The following VPS13C variants were observed in gnomAD, a reference collection of about 807,000 sequenced individuals.
The protein encoded by VPS13C is intermembrane lipid transfer protein VPS13C.
A neutral mutation model predicts 456.8 loss-of-function variants in VPS13C; 358 were observed. That is an observed-to-expected ratio of 0.78 (90% CI 0.72 to 0.86). The LOEUF (loss-of-function observed/expected upper bound fraction) is 0.86. VPS13C is among the 40% of genes least tolerant of loss of function. VPS13C has a pLI of 0.00. For missense variants in VPS13C, 4,818 were observed against 4,385.4 expected (o/e 1.10, Z -2.79); for synonymous variants, 1,578 against 1,486.7 (o/e 1.06, Z -1.41).
chr15:62,053,025 G>T (rs939021693), intron 1 of VPS13C, among the ~76,000 whole-genome samples: 10 of 152,142 alleles, frequency 6.6e-5, no homozygotes, highest in Admixed American at 3.3e-4. Flanking sequence ...TTCTAGAAAA[G>T]GAGTTAATTT....
At position 62,059,292 on chromosome 15, in the gene VPS13C, G is replaced by T. The variant is rs887287095; in HGVS notation, c.100+983C>A. 7.9e-5 allele frequency among the ~76,000 whole-genome samples: 12 copies of T among 152,274 alleles called. No homozygotes were observed. In the South Asian group the frequency reaches 8.3e-4, roughly 11 times the overall value. ...GCTACAGTGGCTAGTGGTTACCCTA[G>T]TGGACAGGGGAAGTCTATAGCTATT... On this transcript the variant is annotated intron_variant, in intron 1 of 84. Transcript: ENST00000644861.
At chr15:62,024,471 T>C (rs562714209) in intron 6 of VPS13C, among the ~76,000 whole-genome samples, 61 of 152,176 alleles carry the variant, frequency 4.0e-4, no homozygotes, top group African/African-American at 1.4e-3. Flanking sequence ...CCAATACCTG[T>C]CTTACTCAAC....
intron 1 of VPS13C, among the ~76,000 whole-genome samples, chr15:62,052,886 A>T (rs2048670594): frequency 6.6e-6 from 1 of 152,102 alleles, no homozygotes; most frequent in Non-Finnish European, 1.5e-5. Flanking sequence ...TGACAAAGGA[A>T]GGTAGAAAGC....
At chr15:61,900,544 A>G (rs1292074911) in intron 66 of VPS13C, among the ~76,000 whole-genome samples, 1 of 152,064 alleles carries the variant, frequency 6.6e-6, no homozygotes, top group East Asian at 1.9e-4. Flanking sequence ...TAGGAATCCA[A>G]CTTACAAGGG....
At chr15:62,057,581 G>C (rs1404568523) in intron 1 of VPS13C, among the ~76,000 whole-genome samples, 1 of 152,224 alleles carries the variant, frequency 6.6e-6, no homozygotes, top group African/African-American at 2.4e-5. Flanking sequence ...AGCTGATAAA[G>C]CTAGGAGAAT....
intron 69 of VPS13C, 50 bp from the exon 70 acceptor site, chr15:61,881,878 T>C: frequency 6.7e-7 from 1 of 1,503,296 alleles, no homozygotes; most frequent in South Asian, 1.3e-5. Context: ...ATTTAAACTT[T>C]TAGTTTCAAA....
intron 1 of VPS13C, among the ~76,000 whole-genome samples, chr15:62,059,886 C>G (rs2140833117): frequency 6.6e-6 from 1 of 152,312 alleles, no homozygotes; most frequent in Middle Eastern, 3.4e-3. Context: ...GCGTATATGA[C>G]CAGACAACCA....
Position 61,984,023 on chromosome 15 carries a change from A to G in VPS13C, c.1722-11T>C, listed in dbSNP as rs762263765. On this transcript the variant is annotated splice_polypyrimidine_tract_variant and intron_variant, in intron 19 of 84. Coordinates refer to ENST00000644861, the MANE Select transcript of VPS13C (RefSeq NM_020821.3). ...AATTTCGCTTCTACCCTATAATCCA[A>G]TGAAGAACAAGGAAAGATGCAGACA... The G allele has an allele frequency of 8.1e-6, 13 of 1,603,682 alleles. No homozygotes were observed. Among genetic ancestry groups the G allele is most frequent in the Non-Finnish European group, 1.1e-5 (13 of 1,174,918 alleles).
In VPS13C at chr15:61,966,445, T is replaced by C. The variant is rs148276707; in HGVS notation, c.2992-303A>G. Among the ~76,000 whole-genome samples, 215 of 152,004 alleles carry C rather than the reference T, an allele frequency of 1.4e-3. 1 individual carries two copies. The highest frequency in any genetic ancestry group is 5.0e-3 in the African/African-American group (207 of 41,538). ...GTCACGTAGCCCATCTATCCCCTAA[T>C]GCTTAAATCCCTCCATAAAGTCGTC... is the stretch of plus-strand genomic sequence containing the variant. On this transcript the variant is annotated intron_variant, in intron 29 of 84. Coordinates refer to ENST00000644861, the MANE Select transcript of VPS13C (RefSeq NM_020821.3).
At position 61,962,448 on chromosome 15, in the gene VPS13C, T is replaced by G. The variant is rs756868320; in HGVS notation, c.3526A>C (p.Lys1176Gln). 7.4e-6 allele frequency: 12 copies of G among 1,611,904 alleles called. No individual in the cohort carries two copies. In the African/African-American group the frequency reaches 1.6e-4, roughly 22 times the overall value. ...TTCAGAGACAGCACACCATCCACTT[T>G]GGACATGTCAGTATACAAATCCCCC... is the stretch of plus-strand genomic sequence containing the variant. ...TEGDLYTDMS[K>Q]VDGVLSLNVG... is the part of the protein sequence containing the mutation. Residue 1176 changes from lysine to glutamine, a missense_variant, in exon 34 of 85, where the codon AAA (lysine) becomes CAA (glutamine). Around this residue, in one of 3 missense-constraint regions of VPS13C, gnomAD observed 4,552 missense variants for 4,130.6 expected, o/e 1.10. Coordinates refer to ENST00000644861, the MANE Select transcript of VPS13C (RefSeq NM_020821.3).
rs1479964328 is a variant in VPS13C, at chr15:61,881,614, T to C, written c.9725A>G (p.Asp3242Gly). 1.2e-6 allele frequency: 2 copies of C among 1,612,634 alleles called. No homozygotes were observed. Among genetic ancestry groups the C allele is most frequent in the African/African-American group, 2.7e-5 (2 of 74,834 alleles). Residue 3242 changes from aspartate to glycine, a missense_variant, in exon 71 of 85, where the codon GAT becomes GGT. By Grantham distance (94) the Asp-to-Gly change is moderately conservative. Around this residue, in one of 3 missense-constraint regions of VPS13C, gnomAD observed 4,552 missense variants for 4,130.6 expected, o/e 1.10. Transcript: ENST00000644861. Reference sequence around the variant, plus strand: ...ATTAAATCTTGTGATGACACTCACATCAATGAAAGGCTTGGGCTCTAAGAG... The same window carrying C: ...ATTAAATCTTGTGATGACACTCACACCAATGAAAGGCTTGGGCTCTAAGAG... Reference protein sequence around the residue: ...ALDSEPKPFIDVSVITRFNEY... With the variant: ...ALDSEPKPFIGVSVITRFNEY...
At position 61,975,743 on chromosome 15, in the gene VPS13C, T is replaced by A. The variant is rs529365630; in HGVS notation, c.2409-1326A>T. Among the ~76,000 whole-genome samples the A allele has an allele frequency of 2.6e-5, 4 of 152,172 alleles. No individual in the cohort carries two copies. In the South Asian group the frequency reaches 6.2e-4, roughly 24 times the overall value. ...TTCTACACAGTATCTTCCAGAAAAC[T>A]CAATGCATGAGGCCAACATCATTAT... On this transcript the variant is annotated intron_variant, in intron 24 of 84. Coordinates refer to ENST00000644861, the MANE Select transcript of VPS13C (RefSeq NM_020821.3).
At chr15:62,040,297 G>C (rs1329677358) in intron 3 of VPS13C, among the ~76,000 whole-genome samples, 2 of 152,076 alleles carry the variant, frequency 1.3e-5, no homozygotes, top group African/African-American at 4.8e-5. Flanking sequence ...GCACAACAGG[G>C]TGACTACATT....
At chr15:61,875,919 G>C (rs1895390076) in intron 75 of VPS13C, 74 bp from the exon 76 acceptor site, 1 of 986,992 alleles carries the variant, frequency 1.0e-6, no homozygotes. Flanking sequence ...TAGAAAAAAA[G>C]AGATTTACTG....
At chr15:62,059,639 A>G (rs1317326822) in intron 1 of VPS13C, among the ~76,000 whole-genome samples, 1 of 152,228 alleles carries the variant, frequency 6.6e-6, no homozygotes, top group Non-Finnish European at 1.5e-5. Flanking sequence ...ACAAAATTCA[A>G]AATCCTCTTC....
At chr15:61,860,740 C>T (rs957846699) in intron 82 of VPS13C, among the ~76,000 whole-genome samples, 9 of 151,980 alleles carry the variant, frequency 5.9e-5, no homozygotes, top group Non-Finnish European at 1.0e-4. Flanking sequence ...ACATAGTTTT[C>T]GTAAAATGTG....
At chr15:61,971,162 A>G (rs910167464) in intron 27 of VPS13C, among the ~76,000 whole-genome samples, 2 of 152,236 alleles carry the variant, frequency 1.3e-5, no homozygotes, top group Non-Finnish European at 2.9e-5. Context: ...CTTGTAGGCC[A>G]TGGAAAGGAC....
intron 66 of VPS13C, among the ~76,000 whole-genome samples, chr15:61,898,429 CA>C (rs1441829026): frequency 6.7e-6 from 1 of 149,846 alleles, no homozygotes; most frequent in Non-Finnish European, 1.5e-5. Context: ...AAATGGAAAA[CA>C]AAAAAAGGCA....
intron 12 of VPS13C, 115 bp downstream of exon 12, chr15:62,011,992 G>A: frequency 3.2e-6 from 2 of 621,092 alleles, no homozygotes; most frequent in Non-Finnish European, 5.6e-6. Context: ...ATAATAGTAA[G>A]GTATAAAATT....
Sources: allele counts gnomAD v4.1 joint callset (sites outside exome capture counted in the v4.1 genomes callset), GRCh38; gene constraint gnomAD v4.1.1; regional missense constraint gnomAD v4.1.1; transcripts MANE v1.5; gene names NCBI Gene and HGNC (gene_info 2026-07-23, HGNC 2026-07-21).